Variants in EFCAB7 observed in about 807,000 individuals in gnomAD.
EFCAB7 encodes EF-hand calcium-binding domain-containing protein 7.
In EFCAB7, 66 loss-of-function variants were observed where a neutral mutation model predicts 77.1. That is an observed-to-expected ratio of 0.86 (90% CI 0.70 to 1.05). The LOEUF is 1.05. Ranked by LOEUF, EFCAB7 falls within the 50% of genes least tolerant of loss-of-function variation. EFCAB7 has a pLI of 0.00. For missense variants in EFCAB7, 638 were observed against 730.5 expected, an observed-to-expected ratio of 0.87 and a Z score of 1.46; for synonymous variants, 225 against 243.3, an observed-to-expected ratio of 0.92 and a Z score of 0.70.
chr1:63,525,744 G>T lies in EFCAB7; in HGVS notation c.172G>T (p.Asp58Tyr). ...CAGCTTGGAAAACATTATTTCTAAA[G>T]ATCAACTTTACTTAGGTAAATTTTT... ...KSSLENIISK[D>Y]QLYLALQHAG... The change falls in exon 2 of 14, where the codon GAT becomes TAT. Residue 58 changes from aspartate to tyrosine, a missense_variant. By Grantham distance (160) the Asp-to-Tyr change is radical. Transcript: ENST00000371088. The T allele has an allele frequency of 6.4e-7, 1 of 1,562,716 alleles. No individual in the cohort carries two copies. Among genetic ancestry groups the T allele is most frequent in the South Asian group, 1.2e-5 (1 of 81,306 alleles).
intron 11 of EFCAB7, among the ~76,000 whole-genome samples, chr1:63,562,449 T>TTATATA (rs869302346): frequency 0.055 from 1,179 of 21,546 alleles, 22 homozygotes; most frequent in Non-Finnish European, 0.069. Context: ...CTTAATTTAT[T>TTATATA]TATATATATA....
At chr1:63,582,694 G>A in the EFCAB7 span, among the ~76,000 whole-genome samples, 1 of 152,166 alleles carries the variant, frequency 6.6e-6, no homozygotes, top group Non-Finnish European at 1.5e-5. Context: ...TGCAACCTCT[G>A]CCTTCTGGGT....
At chr1:63,583,439 G>T in the EFCAB7 span, among the ~76,000 whole-genome samples, 1 of 152,148 alleles carries the variant, frequency 6.6e-6, no homozygotes. Context: ...GAAGTACTTT[G>T]CCAGTAAGCG....
chr1:63,562,495 A>ATATATATATATAT (rs1159517087), intron 11 of EFCAB7, among the ~76,000 whole-genome samples: 10 of 72,838 alleles, frequency 1.4e-4, no homozygotes, highest in Admixed American at 6.0e-4. Flanking sequence ...ATATATATAT[A>ATATATATATATAT]AAACTTTTTT....
At chr1:63,563,238 A>C (rs1363186223) in intron 11 of EFCAB7, among the ~76,000 whole-genome samples, 1 of 152,210 alleles carries the variant, frequency 6.6e-6, no homozygotes, top group Non-Finnish European at 1.5e-5. Flanking sequence ...GCTAACATTT[A>C]ATTTAATTTA....
Position 63,572,554 on chromosome 1 carries a change from T to C in EFCAB7, c.*38T>C. The stretch of plus-strand genomic sequence containing the variant: ...AGAACTTACCAAACTAAGAATTATT[T>C]CAGATTTAGTCTGTTATTTATTAAA... On this transcript the variant is annotated 3_prime_UTR_variant, in exon 14 of 14. Coordinates refer to ENST00000371088, the MANE Select transcript of EFCAB7 (RefSeq NM_032437.4). 7.4e-7 allele frequency: 1 copy of C among 1,349,842 alleles called. No individual in the cohort carries two copies. Among genetic ancestry groups the C allele is most frequent in the Non-Finnish European group, 9.9e-7 (1 of 1,006,384 alleles). 83.6% of individuals were successfully genotyped at this position (1,349,842 alleles called of 1,614,324 possible).
At chr1:63,575,677 G>C (rs1386664634), downstream of EFCAB7, among the ~76,000 whole-genome samples, 1 of 151,886 alleles carries the variant, frequency 6.6e-6, no homozygotes, top group African/African-American at 2.4e-5. Flanking sequence ...TTGTTTTTCT[G>C]GGCTCAGGTG....
At chr1:63,581,027 C>A in the EFCAB7 span, among the ~76,000 whole-genome samples, 1 of 151,952 alleles carries the variant, frequency 6.6e-6, no homozygotes, top group East Asian at 1.9e-4. Context: ...GGGACAGTTT[C>A]ATTTCTTTCT....
At chr1:63,549,489 G>T (rs1386860650) in intron 7 of EFCAB7, 1 of 459,242 alleles carries the variant, frequency 2.2e-6, no homozygotes, top group Non-Finnish European at 4.5e-6. Flanking sequence ...TATCCAGGAG[G>T]TGGATAATTA....
chr1:63,579,930 T>C, the EFCAB7 span, among the ~76,000 whole-genome samples: 9 of 152,224 alleles, frequency 5.9e-5, no homozygotes, highest in Non-Finnish European at 1.2e-4. Context: ...TTGAGTTTCA[T>C]TTTCTTACCA....
intron 6 of EFCAB7, among the ~76,000 whole-genome samples, chr1:63,539,061 A>G (rs1646797966): frequency 6.6e-6 from 1 of 152,216 alleles, no homozygotes; most frequent in African/African-American, 2.4e-5. Flanking sequence ...TTTTCTAGAC[A>G]TGGTACTTAG....
At chr1:63,576,384 G>A (rs1207680198), downstream of EFCAB7, among the ~76,000 whole-genome samples, 2 of 152,128 alleles carry the variant, frequency 1.3e-5, no homozygotes, top group Non-Finnish European at 2.9e-5. Context: ...GGAGACTGAG[G>A]CAGGAGAATC....
intron 2 of EFCAB7, among the ~76,000 whole-genome samples, chr1:63,530,462 G>A (rs1307468885): frequency 3.3e-5 from 5 of 152,172 alleles, no homozygotes; most frequent in African/African-American, 9.7e-5. Flanking sequence ...ATTTCAGTAT[G>A]CAGAGATTTA....
At chr1:63,563,426 GTC>G (rs1647133844) in intron 11 of EFCAB7, among the ~76,000 whole-genome samples, 1 of 152,222 alleles carries the variant, frequency 6.6e-6, no homozygotes, top group African/African-American at 2.4e-5. Flanking sequence ...ATCAGGCACA[GTC>G]TCTCGGCTAA....
rs1381640724 is a variant in EFCAB7 at position 63,555,450 on chromosome 1, A to G, written c.1149A>G (p.Val383=). The part of the protein sequence containing the change: ...GCRLRKKIKP[V]TDEAQLVYRD... ...GGCTGAGGAAAAAAATAAAACCAGTAACAGATGAAGCCCAACTTGTATATA... is the reference window on the plus strand; with the variant it reads ...GGCTGAGGAAAAAAATAAAACCAGTGACAGATGAAGCCCAACTTGTATATA... Residue 383 remains valine, a synonymous_variant, in exon 9 of 14, where the codon GTA becomes GTG. Transcript: ENST00000371088. 14 of 1,613,978 alleles carry G rather than the reference A, an allele frequency of 8.7e-6. No individual in the cohort carries two copies. The highest frequency in any genetic ancestry group is 1.2e-5 in the Non-Finnish European group (14 of 1,179,984).
At position 63,525,744 on chromosome 1, in the gene EFCAB7, G is replaced by A; in HGVS notation, c.172G>A (p.Asp58Asn). The stretch of plus-strand genomic sequence containing the variant: ...CAGCTTGGAAAACATTATTTCTAAA[G>A]ATCAACTTTACTTAGGTAAATTTTT... ...KSSLENIISK[D>N]QLYLALQHAG... Residue 58 changes from aspartate (D) to asparagine (N), a missense_variant, in exon 2 of 14, where the codon GAT (aspartate) becomes AAT (asparagine). Transcript: ENST00000371088. 6.4e-7 allele frequency: 1 copy of A among 1,562,716 alleles called. No homozygotes were observed. The highest frequency in any genetic ancestry group is 8.6e-7 in the Non-Finnish European group (1 of 1,165,456).
At chr1:63,548,644 C>G (rs1646927720) in intron 7 of EFCAB7, 1 of 152,144 alleles carries the variant, frequency 6.6e-6, no homozygotes, top group South Asian at 2.1e-4. Context: ...TCTGCTCCAC[C>G]ACAGGTAAGC....
chr1:63,544,475 T>C (rs1175051914), intron 6 of EFCAB7, among the ~76,000 whole-genome samples: 1 of 152,140 alleles, frequency 6.6e-6, no homozygotes, highest in African/African-American at 2.4e-5. Context: ...TGCAGTGGCA[T>C]GATCTTGGCT....
Position 63,557,070 on chromosome 1 carries a change from T to C in EFCAB7, c.1215-44T>C, listed in dbSNP as rs373470661. On this transcript the variant is annotated intron_variant, in intron 9 of 13. Coordinates refer to ENST00000371088, the MANE Select transcript of EFCAB7 (RefSeq NM_032437.4). ...AAAAAAAAACCCTTCTTCAGCGTAG[T>C]TGCCTTAGTGACAAGAAATAACTAG... The C allele has an allele frequency of 4.7e-6, 7 of 1,474,526 alleles. No homozygotes were observed. The African/African-American group carries it at 1.0e-4, about 21-fold the overall frequency. The allele number at this position is 1,474,526 out of a possible 1,614,324, so 91.3% of individuals were successfully genotyped here.
Sources: gnomAD v4.1 joint callset for allele counts (sites outside exome capture counted in the v4.1 genomes callset) on GRCh38, gnomAD v4.1.1 for gene constraint, MANE v1.5 for transcripts, NCBI Gene and HGNC (gene_info 2026-07-23, HGNC 2026-07-21) for gene names.